BLTP1: variants seen among roughly 807,000 people sequenced by gnomAD.
BLTP1 encodes the protein bridge-like lipid transfer protein family member 1.
the BLTP1 span, chr4:122,266,997 T>A: frequency 9.5e-7 from 1 of 1,055,282 alleles, no homozygotes; most frequent in Non-Finnish European, 1.4e-6. Flanking sequence ...TGTGCAAGAA[T>A]TATAATACGT....
chr4:122,339,269 A>T, the BLTP1 span: 6 of 1,613,740 alleles, frequency 3.7e-6, no homozygotes, highest in East Asian at 1.3e-4. Flanking sequence ...TAAAGCTGCC[A>T]TCCCTGGATT....
the BLTP1 span, among the ~76,000 whole-genome samples, chr4:122,342,041 G>A: frequency 6.6e-6 from 1 of 152,174 alleles, no homozygotes; most frequent in African/African-American, 2.4e-5. Flanking sequence ...CAACTCATGT[G>A]GGAAAGCCAC....
chr4:122,269,343 C>T, the BLTP1 span: 3 of 894,744 alleles, frequency 3.4e-6, no homozygotes, highest in African/African-American at 1.8e-5. Flanking sequence ...TATAATACTA[C>T]AACAGACTAG....
chr4:122,349,143 T>C, the BLTP1 span: 2 of 1,598,360 alleles, frequency 1.3e-6, no homozygotes, highest in Non-Finnish European at 8.5e-7. The surrounding 1 kb of genome is among the most constrained non-coding windows in gnomAD (Gnocchi z 4.5). Flanking sequence ...TAATAACCTT[T>C]TTTTCATTTT....
chr4:122,255,476 C>T, the BLTP1 span, among the ~76,000 whole-genome samples: 1 of 152,116 alleles, frequency 6.6e-6, no homozygotes, highest in Non-Finnish European at 1.5e-5. Context: ...AAAACTCTGT[C>T]TCTACTAAAA....
chr4:122,262,934 T>C, the BLTP1 span: 2 of 1,614,076 alleles, frequency 1.2e-6, no homozygotes, highest in Non-Finnish European at 1.7e-6. Context: ...TGGAAGGTAC[T>C]CCTCAGAGAA....
the BLTP1 span, among the ~76,000 whole-genome samples, chr4:122,282,883 CT>C: frequency 1.3e-5 from 2 of 150,678 alleles, no homozygotes; most frequent in South Asian, 2.1e-4. Context: ...GTTGATGGTT[CT>C]TTTTTTTTGC....
chr4:122,163,389 C>T, the BLTP1 span, among the ~76,000 whole-genome samples: 1 of 152,140 alleles, frequency 6.6e-6, no homozygotes, highest in South Asian at 2.1e-4. Context: ...CACCAACTTC[C>T]TAGCCATAAT....
chr4:122,176,394 A>C, the BLTP1 span, among the ~76,000 whole-genome samples: 1 of 152,142 alleles, frequency 6.6e-6, no homozygotes, highest in Non-Finnish European at 1.5e-5. Flanking sequence ...TTTAAATGAG[A>C]GGTATATACT....
the BLTP1 span, chr4:122,325,114 T>C: frequency 9.6e-7 from 1 of 1,045,564 alleles, no homozygotes; most frequent in Non-Finnish European, 1.3e-6. Context: ...GTTCAATCCT[T>C]TGATTAGGTA....
At chr4:122,282,425 C>G in the BLTP1 span, among the ~76,000 whole-genome samples, 2 of 151,982 alleles carry the variant, frequency 1.3e-5, no homozygotes, top group Non-Finnish European at 2.9e-5. Flanking sequence ...GTGGATCACC[C>G]GAGGTCAGGA....
the BLTP1 span, among the ~76,000 whole-genome samples, chr4:122,290,211 G>C: frequency 6.6e-6 from 1 of 152,138 alleles, no homozygotes; most frequent in South Asian, 2.1e-4. Flanking sequence ...CAGAGCTGTA[G>C]AATTTTACAA....
At chr4:122,161,629 C>T in the BLTP1 span, among the ~76,000 whole-genome samples, 1 of 151,836 alleles carries the variant, frequency 6.6e-6, no homozygotes, top group Non-Finnish European at 1.5e-5. Context: ...ACGGCGTTTC[C>T]TCATGTTACC....
chr4:122,234,768 T>C, the BLTP1 span: 1 of 1,605,918 alleles, frequency 6.2e-7, no homozygotes, highest in Non-Finnish European at 8.5e-7. Flanking sequence ...TTGGGGTCGG[T>C]TTAGGTTGTG....
the BLTP1 span, chr4:122,281,454 T>TC: frequency 7.0e-7 from 1 of 1,433,060 alleles, no homozygotes; most frequent in Non-Finnish European, 9.1e-7. Flanking sequence ...TTGCTATTTT[T>TC]CACTGAGAAA....
At chr4:122,274,045 T>C in the BLTP1 span, among the ~76,000 whole-genome samples, 1 of 152,040 alleles carries the variant, frequency 6.6e-6, no homozygotes, top group African/African-American at 2.4e-5. Flanking sequence ...ATTTCTGAGA[T>C]GTAAAATGCC....
At chr4:122,338,536 G>A in the BLTP1 span, among the ~76,000 whole-genome samples, 3 of 151,968 alleles carry the variant, frequency 2.0e-5, no homozygotes, top group Non-Finnish European at 2.9e-5. Flanking sequence ...TTTAATATGA[G>A]CATAAATTTT....
chr4:122,186,961 G>T, the BLTP1 span: 452 of 950,320 alleles, frequency 4.8e-4, no homozygotes, highest in African/African-American at 7.7e-3. Flanking sequence ...AAATTAATTT[G>T]GCACAAGGCA....
chr4:122,281,783 G>A, the BLTP1 span: 9 of 1,502,338 alleles, frequency 6.0e-6, no homozygotes, highest in African/African-American at 1.4e-5. Context: ...AGGTAATATT[G>A]AATTCTGAAT....
Sources: allele counts gnomAD v4.1 joint callset (sites outside exome capture counted in the v4.1 genomes callset), GRCh38; gene constraint gnomAD v4.1.1; non-coding constraint Gnocchi (gnomAD v3.1); transcripts MANE v1.5; gene names NCBI Gene and HGNC (gene_info 2026-07-23, HGNC 2026-07-21).